The following DNAJC15 variants were observed in gnomAD, a reference collection of about 807,000 sequenced individuals.
The protein encoded by DNAJC15 is DnaJ heat shock protein family (Hsp40) member C15.
A neutral mutation model predicts 22.4 loss-of-function variants in DNAJC15; 27 were observed. The ratio of observed to expected loss-of-function variants is 1.20; its 90% CI spans 0.89 to 1.66. The LOEUF is 1.66. DNAJC15 is among the 40% of genes most tolerant of loss of function. The probability of loss-of-function intolerance (pLI) is 0.00; values close to 1 mark genes in which losing one functional copy is unlikely to be tolerated. For synonymous variants in DNAJC15, 79 were observed against 63.2 expected, an observed-to-expected ratio of 1.25 and a Z score of -1.19; for missense variants, 208 against 187.1, an observed-to-expected ratio of 1.11 and a Z score of -0.65.
intron 4 of DNAJC15, among the ~76,000 whole-genome samples, chr13:43,083,633 A>G (rs2040674119): frequency 2.0e-5 from 3 of 152,238 alleles, no homozygotes; most frequent in Admixed American, 2.0e-4. Flanking sequence ...AGGAGTTGAT[A>G]AATGTAGATT....
At chr13:43,061,331 T>C (rs2040558009) in intron 1 of DNAJC15, among the ~76,000 whole-genome samples, 1 of 152,164 alleles carries the variant, frequency 6.6e-6, no homozygotes, top group African/African-American at 2.4e-5. Context: ...GCTGCTTTTT[T>C]AGTTACCTTA....
At chr13:43,054,915 G>A (rs2072097940) in intron 1 of DNAJC15, among the ~76,000 whole-genome samples, 1 of 152,136 alleles carries the variant, frequency 6.6e-6, no homozygotes, top group Non-Finnish European at 1.5e-5. Flanking sequence ...GAAAGATCAG[G>A]CTGTAAATCA....
At chr13:43,105,224 G>A (rs2040790688) in intron 5 of DNAJC15, among the ~76,000 whole-genome samples, 1 of 152,008 alleles carries the variant, frequency 6.6e-6, no homozygotes, top group Non-Finnish European at 1.5e-5. Context: ...TAGAACTGTG[G>A]GAGAAGCACA....
chr13:43,107,923 A>G lies in DNAJC15; in HGVS notation c.*675A>G, dbSNP rs1162225691. On this transcript the variant is annotated 3_prime_UTR_variant, in exon 6 of 6. Coordinates refer to ENST00000379221, the MANE Select transcript of DNAJC15 (RefSeq NM_013238.3). ...GAGAAGTCTGAGGAGTTTGTATTTA[A>G]TTATAGTCTTCCAGTACTGTATATT... The G allele has an allele frequency of 6.6e-6, 1 of 152,462 alleles. No homozygotes were observed. Among genetic ancestry groups the G allele is most frequent in the Non-Finnish European group, 1.5e-5 (1 of 67,998 alleles). The allele number at this position is 152,462 out of a possible 1,614,324, so 9.4% of individuals were successfully genotyped here.
intron 5 of DNAJC15, among the ~76,000 whole-genome samples, chr13:43,096,490 A>G (rs2040740244): frequency 6.6e-6 from 1 of 152,240 alleles, no homozygotes; most frequent in African/African-American, 2.4e-5. Flanking sequence ...TTCAGAGGAA[A>G]TTGAACAGGA....
intron 3 of DNAJC15, among the ~76,000 whole-genome samples, chr13:43,069,348 A>T (rs1354644143): frequency 1.3e-5 from 2 of 152,218 alleles, no homozygotes; most frequent in Non-Finnish European, 2.9e-5. Flanking sequence ...GGAGCTTGGA[A>T]TAGCTGATGA....
At chr13:43,076,182 GTATAT>G (rs2153441263) in intron 3 of DNAJC15, among the ~76,000 whole-genome samples, 1 of 152,224 alleles carries the variant, frequency 6.6e-6, no homozygotes, top group African/African-American at 2.4e-5. Flanking sequence ...AACTTGGAGA[GTATAT>G]TATATTCTCA....
intron 1 of DNAJC15, among the ~76,000 whole-genome samples, chr13:43,036,988 G>T (rs896377361): frequency 1.3e-5 from 2 of 152,142 alleles, no homozygotes; most frequent in Admixed American, 6.5e-5. Context: ...CTGAGAGTGC[G>T]GTTGGGCGGC....
At chr13:43,046,913 T>TA (rs1312410281) in intron 1 of DNAJC15, among the ~76,000 whole-genome samples, 1 of 152,192 alleles carries the variant, frequency 6.6e-6, no homozygotes, top group Non-Finnish European at 1.5e-5. Flanking sequence ...AGGCTCGCCT[T>TA]TGTTACTGCA....
intron 3 of DNAJC15, among the ~76,000 whole-genome samples, chr13:43,071,343 G>A (rs780258858): frequency 3.3e-5 from 5 of 152,178 alleles, no homozygotes; most frequent in Non-Finnish European, 7.3e-5. Context: ...AATGATGTGT[G>A]TACCCCCTTT....
At position 43,109,857 on chromosome 13, in the gene DNAJC15, A is replaced by G. The variant is rs564135911; in HGVS notation, c.*2609A>G. 1 of 142,306 alleles carries G rather than the reference A, an allele frequency of 7.0e-6. No individual in the cohort carries two copies. The highest frequency in any genetic ancestry group is 2.2e-4 in the South Asian group (1 of 4,624). 8.8% of individuals were successfully genotyped at this position (142,306 alleles called of 1,614,324 possible). The stretch of plus-strand genomic sequence containing the variant: ...ACATGTGCCCTAGAACTTAAAGTAT[A>G]ATAAAAAGAAATTTTAAAAAATCCT... On this transcript the variant is annotated 3_prime_UTR_variant, in exon 6 of 6. Coordinates refer to ENST00000379221, the MANE Select transcript of DNAJC15 (RefSeq NM_013238.3).
At chr13:43,093,916 T>C (rs2040727363) in intron 5 of DNAJC15, among the ~76,000 whole-genome samples, 1 of 152,236 alleles carries the variant, frequency 6.6e-6, no homozygotes, top group Non-Finnish European at 1.5e-5. Context: ...AATACCCTGA[T>C]ATAAATATCA....
At chr13:43,070,249 A>G (rs1358656795) in intron 3 of DNAJC15, among the ~76,000 whole-genome samples, 4 of 152,222 alleles carry the variant, frequency 2.6e-5, no homozygotes, top group African/African-American at 7.2e-5. Flanking sequence ...TTACAGTCCT[A>G]TAAATGCATG....
At chr13:43,046,614 G>A (rs752146203) in intron 1 of DNAJC15, among the ~76,000 whole-genome samples, 2 of 152,074 alleles carry the variant, frequency 1.3e-5, no homozygotes, top group Non-Finnish European at 2.9e-5. Context: ...ACAGGGGGAG[G>A]GGCAGTGATT....
chr13:43,034,504 A>G (rs1025923994), intron 1 of DNAJC15, among the ~76,000 whole-genome samples: 5 of 150,006 alleles, frequency 3.3e-5, no homozygotes, highest in Admixed American at 6.6e-5. Flanking sequence ...TTTAGTAGAG[A>G]CGGGGTTTCC....
At position 43,107,852 on chromosome 13, in the gene DNAJC15, T is replaced by TA. The variant is rs1490312626; in HGVS notation, c.*608dup. On this transcript the variant is annotated 3_prime_UTR_variant, in exon 6 of 6. Coordinates refer to ENST00000379221, the MANE Select transcript of DNAJC15 (RefSeq NM_013238.3). ...AAAGCATGAGGACTTGGAGAGCTACTAAAATGATTCAGGTTTACAAAATGA... is the reference window on the plus strand; with the variant it reads ...AAAGCATGAGGACTTGGAGAGCTACTAAAAATGATTCAGGTTTACAAAATGA... 1 of 152,226 alleles carries TA rather than the reference T, an allele frequency of 6.6e-6. No homozygotes were observed. Among genetic ancestry groups the TA allele is most frequent in the Non-Finnish European group, 1.5e-5 (1 of 68,024 alleles). 9.4% of individuals were successfully genotyped at this position (152,226 alleles called of 1,614,324 possible). A position where few individuals can be genotyped will look rare whatever the true frequency, so the allele number is the denominator to read the frequency against.
At chr13:43,032,779 C>T (rs1434329196) in intron 1 of DNAJC15, among the ~76,000 whole-genome samples, 4 of 152,108 alleles carry the variant, frequency 2.6e-5, no homozygotes, top group South Asian at 4.2e-4. Flanking sequence ...GAACCCAGAT[C>T]ACACCACTGC....
intron 1 of DNAJC15, among the ~76,000 whole-genome samples, chr13:43,029,423 G>T (rs908107457): frequency 1.3e-5 from 2 of 152,038 alleles, no homozygotes; most frequent in Admixed American, 6.5e-5. Flanking sequence ...AGAAATTTTA[G>T]CATTTTATAA....
chr13:43,095,991 A>G lies in DNAJC15; in HGVS notation c.382+10153A>G, dbSNP rs1332281436. ...CAACAGAGGGATGAGTCATTAAGGG[A>G]AAAATGCTGTTTTTTGTTTTATTTT... On this transcript the variant is annotated intron_variant, in intron 5 of 5. Transcript: ENST00000379221. 3.3e-5 allele frequency among the ~76,000 whole-genome samples: 5 copies of G among 152,268 alleles called. No individual in the cohort carries two copies. In the East Asian group the frequency reaches 9.6e-4, roughly 29 times the overall value.
Sources: allele counts gnomAD v4.1 joint callset (sites outside exome capture counted in the v4.1 genomes callset), GRCh38; gene constraint gnomAD v4.1.1; transcripts MANE v1.5; gene names NCBI Gene and HGNC (gene_info 2026-07-23, HGNC 2026-07-21).